MTPN: variants seen among roughly 807,000 people sequenced by gnomAD.
MTPN encodes the protein granule cell differentiation protein.
In MTPN, 2 loss-of-function variants were observed where a neutral mutation model predicts 13.5. The ratio of observed to expected loss-of-function variants is 0.15; its 90% CI spans 0.06 to 0.47. MTPN has a LOEUF of 0.47. Ranked by LOEUF, MTPN falls within the 20% of genes least tolerant of loss-of-function variation. The pLI, the probability that MTPN is intolerant of heterozygous loss-of-function variation, is 0.97. For missense variants in MTPN, 79 were observed against 137.9 expected (o/e 0.57, Z 2.14); for synonymous variants, 46 against 51.7 (o/e 0.89, Z 0.48).
intron 1 of MTPN, among the ~76,000 whole-genome samples, chr7:135,961,972 A>C (rs952157416): frequency 9.9e-5 from 15 of 152,044 alleles, no homozygotes; most frequent in Non-Finnish European, 1.0e-4. Context: ...ACTGACAAAA[A>C]TAGCACTGTA....
intron 3 of MTPN, among the ~76,000 whole-genome samples, chr7:135,938,172 A>G (rs1440945298): frequency 6.6e-6 from 1 of 152,116 alleles, no homozygotes; most frequent in African/African-American, 2.4e-5. Context: ...TCTATTTTTG[A>G]TCTGTGGTTG....
intron 3 of MTPN, among the ~76,000 whole-genome samples, chr7:135,937,119 A>G (rs868059886): frequency 6.6e-6 from 1 of 152,176 alleles, no homozygotes; most frequent in Non-Finnish European, 1.5e-5. Context: ...CTTAGCATGT[A>G]AAAATAGGCC....
Position 135,927,302 on chromosome 7 carries a change from C to A in MTPN, c.*2624G>T. ...GAAAGGTGAGCTATGCGTAGAAGAACTACTTGGGATATTCAAGTGCTGTAT... is the reference window on the plus strand; with the variant it reads ...GAAAGGTGAGCTATGCGTAGAAGAAATACTTGGGATATTCAAGTGCTGTAT... On this transcript the variant is annotated 3_prime_UTR_variant, in exon 4 of 4. Coordinates refer to ENST00000393085, the MANE Select transcript of MTPN (RefSeq NM_145808.4). 1 of 1,550,214 alleles carries A rather than the reference C, an allele frequency of 6.5e-7. No individual in the cohort carries two copies. Among genetic ancestry groups the A allele is most frequent in the Non-Finnish European group, 8.7e-7 (1 of 1,146,474 alleles).
At chr7:135,974,872 C>T (rs377148787) in intron 1 of MTPN, among the ~76,000 whole-genome samples, 4 of 152,110 alleles carry the variant, frequency 2.6e-5, no homozygotes, top group Non-Finnish European at 2.9e-5. Context: ...AAATGGGCAC[C>T]GTAAGGGAGC....
Position 135,938,976 on chromosome 7 carries a change from CT to C in MTPN, c.271-8965del, listed in dbSNP as rs1043912309. On this transcript the variant is annotated intron_variant, in intron 3 of 3. Coordinates refer to ENST00000393085, the MANE Select transcript of MTPN (RefSeq NM_145808.4). Reference sequence around the variant, plus strand: ...TAGTTATTTTTTACCCTTATAAAGGCTTTTTTTCCCCCCACAGTACTTGTTA... The same window carrying C: ...TAGTTATTTTTTACCCTTATAAAGGCTTTTTTCCCCCCACAGTACTTGTTA... Among the ~76,000 whole-genome samples, 14 of 152,148 alleles carry C rather than the reference CT, an allele frequency of 9.2e-5. 1 individual carries two copies. The highest frequency in any genetic ancestry group is 2.6e-4 in the Admixed American group (4 of 15,274).
intron 3 of MTPN, chr7:135,932,108 A>C (rs1273047357): frequency 6.6e-6 from 1 of 152,114 alleles, no homozygotes; most frequent in East Asian, 1.9e-4. Flanking sequence ...TGTTCCCCTT[A>C]ACCATTCCCA....
At chr7:135,934,267 T>C (rs71539479) in intron 3 of MTPN, among the ~76,000 whole-genome samples, 2,633 of 152,254 alleles carry the variant, frequency 0.017, 34 homozygotes, top group African/African-American at 0.041. Flanking sequence ...GCCAAGCACA[T>C]AGGTTGGCAG....
At chr7:135,937,871 G>C (rs1799141401) in intron 3 of MTPN, among the ~76,000 whole-genome samples, 1 of 152,156 alleles carries the variant, frequency 6.6e-6, no homozygotes, top group Admixed American at 6.5e-5. Flanking sequence ...AATGTAGTTT[G>C]TCTTTGTAAT....
chr7:135,942,748 G>A (rs1271525532), intron 3 of MTPN, among the ~76,000 whole-genome samples: 2 of 152,152 alleles, frequency 1.3e-5, no homozygotes, highest in African/African-American at 2.4e-5. Context: ...AGAAGAGAAA[G>A]CTTAGGCTGA....
chr7:135,928,010 A>T lies in MTPN; in HGVS notation c.*1916T>A. On this transcript the variant is annotated 3_prime_UTR_variant, in exon 4 of 4. Transcript: ENST00000393085. ...CAAGAGGTGAAAACAAAGGTATCAA[A>T]ACACCCTGTTGCACTACGTTGATAG... 3.7e-6 allele frequency: 1 copy of T among 269,038 alleles called. No individual in the cohort carries two copies. The allele number at this position is 269,038 out of a possible 1,614,324, so 16.7% of individuals were successfully genotyped here.
intron 3 of MTPN, among the ~76,000 whole-genome samples, chr7:135,933,163 T>C (rs150355499): frequency 7.2e-5 from 11 of 151,866 alleles, no homozygotes; most frequent in Non-Finnish European, 1.2e-4. Context: ...TTAAGTATAT[T>C]TGGCCCTATC....
At chr7:135,957,996 C>T (rs10274839) in intron 1 of MTPN, among the ~76,000 whole-genome samples, 40,596 of 151,920 alleles carry the variant, frequency 0.27, 5,623 homozygotes, top group African/African-American at 0.27. Flanking sequence ...TTATAAAGTA[C>T]TCAGCCTCAG....
Position 135,929,854 on chromosome 7 carries a change from T to TGACA in MTPN, c.*68_*71dup, listed in dbSNP as rs1798989180. On this transcript the variant is annotated 3_prime_UTR_variant, in exon 4 of 4. Coordinates refer to ENST00000393085, the MANE Select transcript of MTPN (RefSeq NM_145808.4). ...GCTGAAGAAGCTGGCAGATAGAGAGTGACAGACAGACAGGCAGCAGTGTGA... is the reference window on the plus strand; with the variant it reads ...GCTGAAGAAGCTGGCAGATAGAGAGTGACAGACAGACAGACAGGCAGCAGTGTGA... The TGACA allele has an allele frequency of 2.1e-6, 3 of 1,412,490 alleles. No homozygotes were observed. Among genetic ancestry groups the TGACA allele is most frequent in the Non-Finnish European group, 3.0e-6 (3 of 997,094 alleles). 87.5% of individuals were successfully genotyped at this position (1,412,490 alleles called of 1,614,324 possible).
chr7:135,973,917 A>C (rs943874002), intron 1 of MTPN, among the ~76,000 whole-genome samples: 17 of 152,212 alleles, frequency 1.1e-4, no homozygotes, highest in African/African-American at 3.6e-4. Flanking sequence ...AATTAACTAA[A>C]TGTGGTCCTT....
chr7:135,977,210 G>A lies in MTPN; in HGVS notation c.-110C>T, dbSNP rs1339227393. Reference sequence around the variant, plus strand: ...GGCAGGGCCGCGCGAAGCCGGAGAGGAGAAGAAGAGAAGGAGGGTTAGGCT... The same window carrying A: ...GGCAGGGCCGCGCGAAGCCGGAGAGAAGAAGAAGAGAAGGAGGGTTAGGCT... On this transcript the variant is annotated 5_prime_UTR_variant, in exon 1 of 4. Coordinates refer to ENST00000393085, the MANE Select transcript of MTPN (RefSeq NM_145808.4). 3.0e-5 allele frequency: 32 copies of A among 1,073,404 alleles called. No individual in the cohort carries two copies. The South Asian group carries it at 3.7e-4, about 12-fold the overall frequency. 66.5% of individuals were successfully genotyped at this position (1,073,404 alleles called of 1,614,324 possible). A position where few individuals can be genotyped will look rare whatever the true frequency, so the allele number is the denominator to read the frequency against.
At chr7:135,955,275 A>G (rs1170318537) in intron 1 of MTPN, among the ~76,000 whole-genome samples, 1 of 152,218 alleles carries the variant, frequency 6.6e-6, no homozygotes, top group Admixed American at 6.5e-5. Context: ...AAAATAAGCA[A>G]GAGAAAAGAA....
At chr7:135,974,091 C>A (rs1162585095) in intron 1 of MTPN, among the ~76,000 whole-genome samples, 2 of 152,116 alleles carry the variant, frequency 1.3e-5, no homozygotes, top group African/African-American at 4.8e-5. Flanking sequence ...ATACAATTTT[C>A]AGTGGTTTGG....
intron 3 of MTPN, among the ~76,000 whole-genome samples, chr7:135,936,222 C>T (rs948248146): frequency 1.1e-4 from 17 of 152,208 alleles, no homozygotes; most frequent in African/African-American, 2.9e-4. Context: ...CAGTGGCTCA[C>T]GCCTGTAATG....
intron 3 of MTPN, among the ~76,000 whole-genome samples, chr7:135,939,576 C>CGGGGGGGGG (rs71174561): frequency 1.1e-3 from 5 of 4,738 alleles, no homozygotes; most frequent in Non-Finnish European, 1.7e-3. Context: ...AAAATGGGGG[C>CGGGGGGGGG]GGGGGGGGGG....
Sources: gnomAD v4.1 joint callset for allele counts (sites outside exome capture counted in the v4.1 genomes callset) on GRCh38, gnomAD v4.1.1 for gene constraint, MANE v1.5 for transcripts, NCBI Gene and HGNC (gene_info 2026-07-23, HGNC 2026-07-21) for gene names.